The following CCDC171 variants were observed in gnomAD, a reference collection of about 807,000 sequenced individuals.
CCDC171 encodes coiled-coil domain-containing protein 171.
In CCDC171, 177 loss-of-function variants were observed where a neutral mutation model predicts 168.2. The ratio of observed to expected loss-of-function variants is 1.05; its 90% CI spans 0.93 to 1.19. The LOEUF (loss-of-function observed/expected upper bound fraction) is 1.19, where lower values mean the gene tolerates loss of function less well. CCDC171 is among the 50% of genes most tolerant of loss of function. The pLI, the probability that CCDC171 is intolerant of heterozygous loss-of-function variation, is 0.00. For synonymous variants in CCDC171, 687 were observed against 540.8 expected (o/e 1.27, Z -3.75); for missense variants, 1,991 against 1,539.0 (o/e 1.29, Z -4.91).
At chr9:15,911,811 T>A (rs1007740754) in intron 24 of CCDC171, among the ~76,000 whole-genome samples, 2 of 152,212 alleles carry the variant, frequency 1.3e-5, no homozygotes, top group African/African-American at 4.8e-5. Context: ...GGGAATCCTT[T>A]CCCCATTTCT....
At chr9:15,633,308 A>G (rs1218223442) in intron 7 of CCDC171, among the ~76,000 whole-genome samples, 3 of 152,170 alleles carry the variant, frequency 2.0e-5, no homozygotes, top group Admixed American at 6.5e-5. Context: ...TCTACAATGA[A>G]CTCAAACAAA....
chr9:15,819,517 A>AAAAATAGGC (rs1268455110), intron 21 of CCDC171, among the ~76,000 whole-genome samples: 1 of 117,270 alleles, frequency 8.5e-6, no homozygotes, highest in Non-Finnish European at 1.9e-5. Context: ...AATGGAAAAC[A>AAAAATAGGC]AAAATAGGCA....
At chr9:15,939,472 A>G (rs190105861) in intron 25 of CCDC171, among the ~76,000 whole-genome samples, 2 of 151,824 alleles carry the variant, frequency 1.3e-5, no homozygotes, top group Admixed American at 6.6e-5. Context: ...CATCAGGTAT[A>G]TATAATGCTT....
chr9:16,018,464 ATAT>A (rs1280892464), intron 3 of CCDC171, among the ~76,000 whole-genome samples: 1 of 152,212 alleles, frequency 6.6e-6, no homozygotes, highest in Admixed American at 6.5e-5. Context: ...GCTAATTCAA[ATAT>A]TATTATTTTT....
chr9:15,771,551 T>C (rs1410817752), intron 18 of CCDC171, among the ~76,000 whole-genome samples: 1 of 141,636 alleles, frequency 7.1e-6, no homozygotes. Context: ...AAGCTCCTTG[T>C]GTATCATGTA....
At chr9:16,031,737 C>T (rs1211434731) in intron 6 of CCDC171, among the ~76,000 whole-genome samples, 2 of 152,236 alleles carry the variant, frequency 1.3e-5, no homozygotes, top group East Asian at 3.9e-4. Flanking sequence ...CCTGAGGGGT[C>T]GATAGGATTC....
At chr9:15,854,216 A>C (rs1339208926) in intron 23 of CCDC171, among the ~76,000 whole-genome samples, 1 of 151,142 alleles carries the variant, frequency 6.6e-6, no homozygotes, top group Non-Finnish European at 1.5e-5. Context: ...TCATCAGTGA[A>C]ACTTTCTGGG....
At chr9:15,898,524 A>G (rs922432384) in intron 24 of CCDC171, among the ~76,000 whole-genome samples, 5 of 152,194 alleles carry the variant, frequency 3.3e-5, no homozygotes, top group South Asian at 2.1e-4. Context: ...TTATGTGCAG[A>G]AGACTGGTTG....
chr9:15,911,316 A>G (rs1436421804), intron 24 of CCDC171, among the ~76,000 whole-genome samples: 1 of 151,798 alleles, frequency 6.6e-6, no homozygotes, highest in African/African-American at 2.4e-5. Flanking sequence ...GCTTTTTTTC[A>G]TATGTTTGTT....
the CCDC171 span, among the ~76,000 whole-genome samples, chr9:16,101,299 T>G: frequency 3.9e-5 from 6 of 152,224 alleles, no homozygotes; most frequent in African/African-American, 1.4e-4. Context: ...TTAGTATACA[T>G]AGGTCCTGAA....
At position 15,588,380 on chromosome 9, in the gene CCDC171, A is replaced by T. The variant is rs144928266; in HGVS notation, c.353-2986A>T. 274 of 256,298 alleles carry T rather than the reference A, an allele frequency of 1.1e-3. 2 individuals are homozygous for T. The highest frequency in any genetic ancestry group is 6.0e-3 in the African/African-American group (254 of 42,616). The allele number at this position is 256,298 out of a possible 1,614,324, so 15.9% of individuals were successfully genotyped here. ...ATGCCCAAGAGAAAGCCTGAAGGGGATGCTACAGGAGATAAAGCCAAGCTA... is the reference window on the plus strand; with the variant it reads ...ATGCCCAAGAGAAAGCCTGAAGGGGTTGCTACAGGAGATAAAGCCAAGCTA... On this transcript the variant is annotated intron_variant, in intron 4 of 25. Coordinates refer to ENST00000380701, the MANE Select transcript of CCDC171 (RefSeq NM_173550.4).
At chr9:15,569,676 G>T (rs1161627233) in intron 2 of CCDC171, among the ~76,000 whole-genome samples, 3 of 151,736 alleles carry the variant, frequency 2.0e-5, no homozygotes, top group Admixed American at 2.0e-4. Context: ...TTAGCCGGGC[G>T]TGGTGGCGGG....
Position 15,784,566 on chromosome 9 carries a change from C to G in CCDC171, c.3139C>G (p.Leu1047Val). 1.9e-6 allele frequency: 3 copies of G among 1,613,256 alleles called. No homozygotes were observed. The highest frequency in any genetic ancestry group is 2.5e-6 in the Non-Finnish European group (3 of 1,179,438). The change falls in exon 21 of 26, where the codon CTT becomes GTT. Residue 1047 changes from leucine (L) to valine (V), a missense_variant. By Grantham distance (32) the Leu-to-Val change is conservative (BLOSUM62 1). Transcript: ENST00000380701. ...SACEELNNAL[L>V]REEQAQMLLN... ...ATGTGAAGAACTAAATAATGCATTA[C>G]TTCGGGAAGAGCAGGCACAAATGCT...
At chr9:15,985,284 C>T (rs1028718602) in intron 3 of CCDC171, among the ~76,000 whole-genome samples, 1 of 151,978 alleles carries the variant, frequency 6.6e-6, no homozygotes, top group Non-Finnish European at 1.5e-5. Context: ...CATACAAATT[C>T]CTTTTCTTCC....
At chr9:15,649,694 A>G (rs2047348733) in intron 7 of CCDC171, among the ~76,000 whole-genome samples, 2 of 152,166 alleles carry the variant, frequency 1.3e-5, no homozygotes, top group Non-Finnish European at 2.9e-5. Flanking sequence ...CAAAACCACA[A>G]TGAGATACCA....
At position 15,900,653 on chromosome 9, in the gene CCDC171, T is replaced by A. The variant is rs563248400; in HGVS notation, c.3601-19617T>A. On this transcript the variant is annotated intron_variant, in intron 24 of 25. Transcript: ENST00000380701. ...CAATACAGATTTCAATACCCTAGAG[T>A]GAGGTGCTGCTTTTATGCTTCTTTG... 1.9e-3 allele frequency among the ~76,000 whole-genome samples: 293 copies of A among 152,208 alleles called. 2 individuals carry two copies. Among genetic ancestry groups the A allele is most frequent in the African/African-American group, 6.8e-3 (281 of 41,544 alleles).
At chr9:15,716,647 AG>A (rs1171128722) in intron 11 of CCDC171, among the ~76,000 whole-genome samples, 1 of 152,136 alleles carries the variant, frequency 6.6e-6, no homozygotes, top group East Asian at 1.9e-4. Flanking sequence ...TCCAAGATTG[AG>A]GGGCCAACAT....
chr9:15,803,953 C>G (rs570155624), intron 21 of CCDC171, among the ~76,000 whole-genome samples: 1 of 151,670 alleles, frequency 6.6e-6, no homozygotes, highest in Non-Finnish European at 1.5e-5. Context: ...CTTCACTTCC[C>G]TTGTTAGCTG....
chr9:15,862,223 A>G (rs141722307), intron 23 of CCDC171, among the ~76,000 whole-genome samples: 2 of 151,958 alleles, frequency 1.3e-5, no homozygotes, highest in East Asian at 3.9e-4. Context: ...TTTTTTGAAT[A>G]AAGACTTAAA....
Sources: gnomAD v4.1 joint callset for allele counts (sites outside exome capture counted in the v4.1 genomes callset) on GRCh38, gnomAD v4.1.1 for gene constraint, MANE v1.5 for transcripts, NCBI Gene and HGNC (gene_info 2026-07-23, HGNC 2026-07-21) for gene names.